MGRN1: variants seen among roughly 807,000 people sequenced by gnomAD.
MGRN1 encodes the protein mahogunin ring finger 1.
A neutral mutation model predicts 69.2 loss-of-function variants in MGRN1; 29 were observed. The observed-to-expected ratio is 0.42, with a 90% confidence interval of 0.31 to 0.57. The LOEUF is 0.57. MGRN1 is among the 20% of genes least tolerant of loss of function. The pLI, the probability that MGRN1 is intolerant of heterozygous loss-of-function variation, is 0.15. For synonymous variants in MGRN1, 470 were observed against 344.2 expected (o/e 1.37, Z -4.04); for missense variants, 998 against 796.2 (o/e 1.25, Z -3.05).
At chr16:4,678,616 G>A (rs1221020854) in intron 11 of MGRN1, among the ~76,000 whole-genome samples, 1 of 152,208 alleles carries the variant, frequency 6.6e-6, no homozygotes, top group Non-Finnish European at 1.5e-5. Context: ...TGGGTGGCAG[G>A]GGCTGTGGTG....
chr16:4,636,203 C>G (rs1019300475), intron 1 of MGRN1, among the ~76,000 whole-genome samples: 1 of 152,116 alleles, frequency 6.6e-6, no homozygotes. Flanking sequence ...TACCGGCCCC[C>G]AGAGGCCCCC....
At chr16:4,668,073 G>A (rs1009704645) in intron 7 of MGRN1, among the ~76,000 whole-genome samples, 192 bp from the exon 8 acceptor site, 1 of 152,076 alleles carries the variant, frequency 6.6e-6, no homozygotes, top group Non-Finnish European at 1.5e-5. Flanking sequence ...AGCCAGGCCT[G>A]AGGCCGTGTT....
At chr16:4,643,850 G>A (rs1037901196) in intron 1 of MGRN1, among the ~76,000 whole-genome samples, 20 of 151,980 alleles carry the variant, frequency 1.3e-4, no homozygotes, top group African/African-American at 4.4e-4. Flanking sequence ...GAAGAAATAC[G>A]AAAAAACATT....
intron 2 of MGRN1, 38 bp downstream of exon 2, chr16:4,650,521 G>C: frequency 6.7e-7 from 1 of 1,501,660 alleles, no homozygotes; most frequent in Non-Finnish European, 9.1e-7. Context: ...GGCTGTGGGG[G>C]TGGGAGGCCC....
chr16:4,630,637 C>T (rs1418069286), intron 1 of MGRN1, among the ~76,000 whole-genome samples: 7 of 151,788 alleles, frequency 4.6e-5, no homozygotes, highest in African/African-American at 7.2e-5. Context: ...TTAGTAGAGA[C>T]GGGGTTTTCA....
In MGRN1 at chr16:4,657,350, G is replaced by A. The variant is rs1156338106; in HGVS notation, c.548G>A (p.Trp183Ter). The change falls in exon 5 of 17, where the codon TGG becomes TAG. Residue 183 changes from tryptophan (W) to a stop codon, truncating the protein, a stop_gained. Coordinates refer to ENST00000262370, the MANE Select transcript of MGRN1 (RefSeq NM_015246.4). LOFTEE classifies it high-confidence loss of function. ...LPSFKIDFSE[W>*]KDDELNFDLD... ...TCCTTCAAGATTGACTTCTCGGAAT[G>A]GAAGGATGACGAGGTAATGCTGGCT... The A allele has an allele frequency of 6.2e-7, 1 of 1,614,036 alleles. No individual in the cohort carries two copies. The highest frequency in any genetic ancestry group is 8.5e-7 in the Non-Finnish European group (1 of 1,179,864).
At chr16:4,657,475 G>A (rs2078573079) in intron 5 of MGRN1, 112 bp downstream of exon 5, 1 of 1,078,198 alleles carries the variant, frequency 9.3e-7, no homozygotes, top group Admixed American at 1.8e-5. Flanking sequence ...GGGTTCATAA[G>A]ACCTGGGAAC....
intron 1 of MGRN1, among the ~76,000 whole-genome samples, chr16:4,648,832 C>T (rs1188455440): frequency 8.2e-5 from 11 of 133,806 alleles, no homozygotes; most frequent in Non-Finnish European, 1.4e-4. Context: ...CACCCGGGTC[C>T]TCCTCCCGGG....
At chr16:4,679,932 G>A (rs966296244) in intron 11 of MGRN1, 100 bp from the exon 12 acceptor site, 23 of 1,136,350 alleles carry the variant, frequency 2.0e-5, no homozygotes, top group South Asian at 6.6e-5. Flanking sequence ...GAAGTTCTGC[G>A]CCACGGTGTG....
At chr16:4,674,045 C>A (rs1172957483) in intron 10 of MGRN1, among the ~76,000 whole-genome samples, 1 of 151,162 alleles carries the variant, frequency 6.6e-6, no homozygotes, top group East Asian at 2.0e-4. Flanking sequence ...AGTTCAGTAG[C>A]GAGTTCTCAG....
At chr16:4,629,002 A>C (rs778483607) in intron 1 of MGRN1, among the ~76,000 whole-genome samples, 2 of 151,708 alleles carry the variant, frequency 1.3e-5, no homozygotes, top group African/African-American at 2.4e-5. Flanking sequence ...ATGCCAGGCT[A>C]ATTTTTGTAT....
intron 1 of MGRN1, among the ~76,000 whole-genome samples, chr16:4,638,025 T>A (rs1432670185): frequency 6.6e-6 from 1 of 152,254 alleles, no homozygotes; most frequent in Non-Finnish European, 1.5e-5. Flanking sequence ...GCCCTGTATT[T>A]AATATGGTAT....
At chr16:4,660,135 G>C (rs2078643582) in intron 5 of MGRN1, among the ~76,000 whole-genome samples, 1 of 152,258 alleles carries the variant, frequency 6.6e-6, no homozygotes, top group Non-Finnish European at 1.5e-5. Flanking sequence ...GCCCAGCATG[G>C]CTGCACTGGC....
At chr16:4,686,698 G>C in intron 16 of MGRN1, 1 of 1,030,690 alleles carries the variant, frequency 9.7e-7, no homozygotes, top group South Asian at 4.2e-5. Context: ...GGGAACCCCA[G>C]GGAGACATGG....
rs952548493 is a variant in MGRN1, at chr16:4,688,942, G to A, written c.*34G>A. On this transcript the variant is annotated 3_prime_UTR_variant, in exon 17 of 17. Coordinates refer to ENST00000262370, the MANE Select transcript of MGRN1 (RefSeq NM_015246.4). ...CCGAGCTGGCAGCATGGAGCCCTCG[G>A]CTCCCCAGACTTTGCCGAGGGGCTG... 1.6e-5 allele frequency: 25 copies of A among 1,520,356 alleles called. No individual in the cohort carries two copies. In the African/African-American group the frequency reaches 2.6e-4, roughly 16 times the overall value. 94.2% of individuals were successfully genotyped at this position (1,520,356 alleles called of 1,614,324 possible).
chr16:4,656,412 G>T (rs1019835918), intron 4 of MGRN1, among the ~76,000 whole-genome samples: 3 of 152,158 alleles, frequency 2.0e-5, no homozygotes, highest in African/African-American at 7.2e-5. Context: ...CGCCTACCCC[G>T]TCTGAACGTT....
At chr16:4,646,740 C>T (rs1054836898) in intron 1 of MGRN1, among the ~76,000 whole-genome samples, 5 of 152,166 alleles carry the variant, frequency 3.3e-5, no homozygotes, top group African/African-American at 7.2e-5. Flanking sequence ...AGGTGAGATG[C>T]GCTGGGGGCC....
intron 1 of MGRN1, among the ~76,000 whole-genome samples, chr16:4,633,169 T>G (rs1898095355): frequency 7.1e-6 from 1 of 140,410 alleles, no homozygotes; most frequent in South Asian, 2.3e-4. Context: ...GGGTGGACCA[T>G]TTGAGGTTAG....
intron 4 of MGRN1, among the ~76,000 whole-genome samples, chr16:4,654,180 T>G (rs1416730712): frequency 6.6e-6 from 1 of 152,126 alleles, no homozygotes; most frequent in African/African-American, 2.4e-5. Context: ...CACTGGCACA[T>G]AAGACACTCC....
Sources: allele counts gnomAD v4.1 joint callset (sites outside exome capture counted in the v4.1 genomes callset), GRCh38; gene constraint gnomAD v4.1.1; transcripts MANE v1.5; gene names NCBI Gene and HGNC (gene_info 2026-07-23, HGNC 2026-07-21).